Variants in TMEM182 observed in about 807,000 individuals in gnomAD.
The protein encoded by TMEM182 is transmembrane protein 182.
Under a neutral mutation model 26.8 loss-of-function variants are expected in TMEM182, and 20 were observed. The ratio of observed to expected loss-of-function variants is 0.75; its 90% CI spans 0.53 to 1.09. The LOEUF (loss-of-function observed/expected upper bound fraction) is 1.09, where lower values mean the gene tolerates loss of function less well. TMEM182 is among the 50% of genes least tolerant of loss of function. The pLI is 0.00. For missense variants in TMEM182, 277 were observed against 275.5 expected, an observed-to-expected ratio of 1.01 and a Z score of -0.04; for synonymous variants, 109 against 102.2, an observed-to-expected ratio of 1.07 and a Z score of -0.40.
intron 3 of TMEM182, among the ~76,000 whole-genome samples, chr2:102,837,536 G>T (rs1378579307): frequency 8.0e-5 from 12 of 150,816 alleles, no homozygotes; most frequent in African/African-American, 2.9e-4. Flanking sequence ...TCAGTGCTGT[G>T]GGGGGTTCGG....
intron 4 of TMEM182, among the ~76,000 whole-genome samples, chr2:102,812,675 A>G (rs554328561): frequency 6.6e-6 from 1 of 152,304 alleles, no homozygotes; most frequent in African/African-American, 2.4e-5. Flanking sequence ...GGGTTTTTCA[A>G]TTTTTGAAAA....
chr2:102,771,697 T>C (rs529503293), intron 3 of TMEM182, among the ~76,000 whole-genome samples: 181 of 152,254 alleles, frequency 1.2e-3, no homozygotes, highest in African/African-American at 4.1e-3. Flanking sequence ...AGGAGATCCC[T>C]GAAAATGCCT....
At chr2:102,840,883 A>T (rs1368371882) in intron 3 of TMEM182, among the ~76,000 whole-genome samples, 2 of 152,238 alleles carry the variant, frequency 1.3e-5, no homozygotes, top group African/African-American at 4.8e-5. Flanking sequence ...CTCACAGTTA[A>T]AAATACATTA....
chr2:102,807,546 T>G (rs1277453703), intron 4 of TMEM182, among the ~76,000 whole-genome samples: 1 of 152,240 alleles, frequency 6.6e-6, no homozygotes, highest in Non-Finnish European at 1.5e-5. Flanking sequence ...AGAAAGATTG[T>G]CTAAATATTT....
At chr2:102,756,336 A>G (rs1680032000) in intron 1 of TMEM182, among the ~76,000 whole-genome samples, 1 of 152,240 alleles carries the variant, frequency 6.6e-6, no homozygotes, top group African/African-American at 2.4e-5. Flanking sequence ...ACATAGAAAC[A>G]CCGCTCATTT....
At chr2:102,757,338 A>G (rs1187771388), upstream of TMEM182, 1 of 152,150 alleles carries the variant, frequency 6.6e-6, no homozygotes, top group East Asian at 1.9e-4. Flanking sequence ...TTACCCATAA[A>G]TTATTGTGAG....
intron 1 of TMEM182, among the ~76,000 whole-genome samples, chr2:102,752,979 G>A (rs967983660): frequency 1.6e-4 from 25 of 152,156 alleles, no homozygotes; most frequent in African/African-American, 5.8e-4. Context: ...AACTCTAAAC[G>A]AATGAGGAAA....
At chr2:102,828,983 G>A (rs558227010) in intron 3 of TMEM182, among the ~76,000 whole-genome samples, 34 of 152,278 alleles carry the variant, frequency 2.2e-4, no homozygotes, top group African/African-American at 4.3e-4. Context: ...TCTGTGGCCC[G>A]TTTATGGTTA....
intron 3 of TMEM182, among the ~76,000 whole-genome samples, chr2:102,772,336 C>T (rs925075821): frequency 2.6e-4 from 39 of 152,012 alleles, no homozygotes; most frequent in African/African-American, 7.5e-4. Flanking sequence ...TTCATTATAG[C>T]GGGGAGGCTA....
intron 3 of TMEM182, among the ~76,000 whole-genome samples, chr2:102,827,936 C>T (rs368328341): frequency 1.3e-5 from 2 of 152,104 alleles, no homozygotes; most frequent in African/African-American, 4.8e-5. Context: ...ACTAAAAATA[C>T]AAGAATTTGC....
chr2:102,843,132 G>T (rs749035251), intron 3 of TMEM182, among the ~76,000 whole-genome samples: 25 of 152,290 alleles, frequency 1.6e-4, no homozygotes, highest in Non-Finnish European at 3.1e-4. Context: ...GTGTGCCAGG[G>T]TTTGTGCGTC....
intron 3 of TMEM182, among the ~76,000 whole-genome samples, chr2:102,793,922 C>T (rs561968561): frequency 6.6e-6 from 1 of 152,146 alleles, no homozygotes; most frequent in Admixed American, 6.5e-5. Context: ...GCAATAAAAG[C>T]CACCACACAT....
intron 3 of TMEM182, among the ~76,000 whole-genome samples, chr2:102,831,508 G>A (rs1040872020): frequency 1.3e-5 from 2 of 152,186 alleles, no homozygotes; most frequent in African/African-American, 4.8e-5. Flanking sequence ...TGTAATCCCA[G>A]CACTTTGGGA....
intron 4 of TMEM182, 148 bp from the exon 5 acceptor site, chr2:102,814,600 T>C (rs1682673229): frequency 1.5e-6 from 1 of 667,290 alleles, no homozygotes; most frequent in African/African-American, 1.8e-5. Flanking sequence ...ATCTATAAAG[T>C]ACATAATAAA....
At chr2:102,743,739 A>G (rs1456119885) in intron 1 of TMEM182, among the ~76,000 whole-genome samples, 1 of 152,216 alleles carries the variant, frequency 6.6e-6, no homozygotes, top group African/African-American at 2.4e-5. Context: ...CTTTAAATAT[A>G]AAACATATTA....
At chr2:102,789,566 C>T (rs1358141644) in intron 3 of TMEM182, among the ~76,000 whole-genome samples, 1 of 152,244 alleles carries the variant, frequency 6.6e-6, no homozygotes, top group Non-Finnish European at 1.5e-5. Flanking sequence ...ATGTCATCTC[C>T]ATCCCAGCTG....
In TMEM182 at chr2:102,754,857, T is replaced by A. The variant is rs2732835; in HGVS notation, c.-82-3532T>A. The stretch of plus-strand genomic sequence containing the variant: ...GTGTACCTACTGATAATATAAACAA[T>A]TTAATAAAAAGTTAAGTAAAAAGAT... On this transcript the variant is annotated intron_variant, in intron 1 of 5. Transcript: ENST00000409173. Among the ~76,000 whole-genome samples the A allele has an allele frequency of 1.1e-4, 16 of 152,120 alleles. No individual in the cohort carries two copies. The East Asian group carries it at 3.1e-3, about 29-fold the overall frequency.
At chr2:102,818,123 T>A (rs531055187), downstream of TMEM182, among the ~76,000 whole-genome samples, 13 of 152,244 alleles carry the variant, frequency 8.5e-5, no homozygotes, top group South Asian at 2.7e-3. Context: ...GAAGAAAATA[T>A]AAGATGAGCT....
At chr2:102,776,632 G>A (rs1323741111) in intron 3 of TMEM182, among the ~76,000 whole-genome samples, 1 of 152,142 alleles carries the variant, frequency 6.6e-6, no homozygotes. Flanking sequence ...TTTGTGTGCA[G>A]GTTTTTTTGT....
Sources: allele counts gnomAD v4.1 joint callset (sites outside exome capture counted in the v4.1 genomes callset), GRCh38; gene constraint gnomAD v4.1.1; transcripts MANE v1.5; gene names NCBI Gene and HGNC (gene_info 2026-07-23, HGNC 2026-07-21).